ME3: variants seen among roughly 807,000 people sequenced by gnomAD.
ME3 encodes the protein NADP-dependent malic enzyme, mitochondrial.
A neutral mutation model predicts 68.9 loss-of-function variants in ME3; 48 were observed. That is an observed-to-expected ratio of 0.70 (90% CI 0.55 to 0.89). ME3 has a LOEUF of 0.89. ME3 is among the 40% of genes least tolerant of loss of function. The pLI is 0.00. For synonymous variants in ME3, 320 were observed against 318.8 expected (o/e 1.00, Z -0.04); for missense variants, 675 against 797.4 (o/e 0.85, Z 1.85).
At chr11:86,562,904 T>C (rs1957306903) in intron 2 of ME3, among the ~76,000 whole-genome samples, 1 of 152,120 alleles carries the variant, frequency 6.6e-6, no homozygotes, top group Non-Finnish European at 1.5e-5. Flanking sequence ...CTCCCACTTA[T>C]AAGCGATAAC....
At chr11:86,552,736 G>C (rs905175357) in intron 4 of ME3, among the ~76,000 whole-genome samples, 4 of 152,100 alleles carry the variant, frequency 2.6e-5, no homozygotes, top group Admixed American at 6.6e-5. Flanking sequence ...TCCAGCTCCT[G>C]AATAAAGTCT....
intron 4 of ME3, among the ~76,000 whole-genome samples, chr11:86,527,997 A>C (rs1056950006): frequency 1.3e-5 from 2 of 152,228 alleles, no homozygotes; most frequent in Non-Finnish European, 2.9e-5. Flanking sequence ...TCAAATTCAC[A>C]CATAACAATA....
chr11:86,671,279 A>G (rs1360676992), intron 2 of ME3, among the ~76,000 whole-genome samples: 1 of 152,244 alleles, frequency 6.6e-6, no homozygotes, highest in Non-Finnish European at 1.5e-5. Flanking sequence ...TTCTCAGAAT[A>G]ATAATCATAA....
At chr11:86,554,101 C>G (rs994435107) in intron 4 of ME3, among the ~76,000 whole-genome samples, 8 of 152,188 alleles carry the variant, frequency 5.3e-5, no homozygotes, top group Non-Finnish European at 1.0e-4. Flanking sequence ...GGTGGTGTCC[C>G]TGGATTCTGG....
chr11:86,556,733 A>G (rs766529955), intron 3 of ME3, 31 bp from the exon 4 acceptor site: 11 of 1,606,146 alleles, frequency 6.8e-6, no homozygotes, highest in African/African-American at 6.7e-5. Flanking sequence ...GCAAGCTGAC[A>G]TGTGGTAGCA....
intron 2 of ME3, among the ~76,000 whole-genome samples, chr11:86,653,951 G>A (rs990291531): frequency 3.3e-5 from 5 of 152,184 alleles, no homozygotes; most frequent in Admixed American, 1.3e-4. Context: ...ACTGCCATCA[G>A]AGAATACTAT....
intron 2 of ME3, among the ~76,000 whole-genome samples, chr11:86,587,650 A>T (rs1251598643): frequency 6.6e-6 from 1 of 152,184 alleles, no homozygotes; most frequent in African/African-American, 2.4e-5. Context: ...CACACTTCAA[A>T]AGAAAGACAG....
chr11:86,641,797 A>G (rs996514533), intron 2 of ME3, among the ~76,000 whole-genome samples: 2 of 152,204 alleles, frequency 1.3e-5, no homozygotes, highest in African/African-American at 4.8e-5. Flanking sequence ...CCTTGTCCAG[A>G]TGATACCAAA....
At chr11:86,577,781 C>T (rs1231756186) in intron 2 of ME3, among the ~76,000 whole-genome samples, 2 of 152,120 alleles carry the variant, frequency 1.3e-5, no homozygotes, top group South Asian at 2.1e-4. Context: ...TTTACTGCTT[C>T]GTTGTTTCTA....
chr11:86,569,656 A>T (rs927480418), intron 2 of ME3, among the ~76,000 whole-genome samples: 1 of 152,200 alleles, frequency 6.6e-6, no homozygotes, highest in African/African-American at 2.4e-5. Flanking sequence ...CTTTTATTGG[A>T]TACCCACTAG....
intron 2 of ME3, among the ~76,000 whole-genome samples, chr11:86,637,139 G>C (rs552303906): frequency 6.6e-6 from 1 of 152,244 alleles, no homozygotes; most frequent in South Asian, 2.1e-4. Context: ...CAGTGTGTGG[G>C]TCTTATACGT....
chr11:86,669,210 G>T (rs1205554359), intron 2 of ME3, among the ~76,000 whole-genome samples: 1 of 152,202 alleles, frequency 6.6e-6, no homozygotes, highest in Non-Finnish European at 1.5e-5. Flanking sequence ...CCCCAAGGGT[G>T]AGTGAATAGG....
At chr11:86,640,175 C>T (rs1034838465) in intron 2 of ME3, among the ~76,000 whole-genome samples, 1 of 152,212 alleles carries the variant, frequency 6.6e-6, no homozygotes, top group Non-Finnish European at 1.5e-5. Context: ...GACTGCATGA[C>T]AATATTTTGG....
chr11:86,445,515 T>C (rs752766834), intron 13 of ME3, among the ~76,000 whole-genome samples: 1 of 152,244 alleles, frequency 6.6e-6, no homozygotes, highest in Non-Finnish European at 1.5e-5. Flanking sequence ...CCTTTGGAGC[T>C]TGTTACGTGT....
intron 4 of ME3, among the ~76,000 whole-genome samples, chr11:86,529,296 G>A (rs1212622388): frequency 6.6e-6 from 1 of 152,086 alleles, no homozygotes; most frequent in Non-Finnish European, 1.5e-5. Context: ...ACCCTCCCAA[G>A]ACTAAACCAG....
chr11:86,552,711 C>T (rs1051714836), intron 4 of ME3, among the ~76,000 whole-genome samples: 1 of 152,158 alleles, frequency 6.6e-6, no homozygotes, highest in African/African-American at 2.4e-5. Context: ...CAAAATCTAT[C>T]GTAGTCCTCT....
chr11:86,443,047 ACT>A, intron 13 of ME3, 128 bp from the exon 14 acceptor site: 1 of 642,706 alleles, frequency 1.6e-6, no homozygotes, highest in Non-Finnish European at 2.7e-6. Flanking sequence ...CCAACTGTTG[ACT>A]CTGTTACCAG....
intron 2 of ME3, among the ~76,000 whole-genome samples, chr11:86,587,577 A>G (rs545285018): frequency 6.6e-6 from 1 of 152,260 alleles, no homozygotes; most frequent in African/African-American, 2.4e-5. Context: ...AAAGCCCTTC[A>G]TGACTACTGT....
chr11:86,541,238 G>A (rs535912592), intron 4 of ME3, among the ~76,000 whole-genome samples: 37 of 152,270 alleles, frequency 2.4e-4, no homozygotes, highest in African/African-American at 8.7e-4. Context: ...CAAGCTAGCT[G>A]CAGGTGTTTT....
Sources: allele counts gnomAD v4.1 joint callset (sites outside exome capture counted in the v4.1 genomes callset), GRCh38; gene constraint gnomAD v4.1.1; transcripts MANE v1.5; gene names NCBI Gene and HGNC (gene_info 2026-07-23, HGNC 2026-07-21).